Variants in RAB7A observed in about 807,000 individuals in gnomAD.
RAB7A encodes RAB7A, member RAS oncogene family, also known as ras-related protein Rab-7a.
A neutral mutation model predicts 24.5 loss-of-function variants in RAB7A; 2 were observed. That is an observed-to-expected ratio of 0.08 (90% CI 0.03 to 0.26). The LOEUF (loss-of-function observed/expected upper bound fraction) is 0.26. Among genes scored for constraint, RAB7A ranks in the 10% least tolerant of loss-of-function variants. The pLI, the probability that RAB7A is intolerant of heterozygous loss-of-function variation, is 1.00. For synonymous variants in RAB7A, 100 were observed against 95.9 expected, an observed-to-expected ratio of 1.04 and a Z score of -0.25; for missense variants, 118 against 255.7, an observed-to-expected ratio of 0.46 and a Z score of 3.67.
At chr3:128,792,408 CT>C (rs915624302) in intron 1 of RAB7A, among the ~76,000 whole-genome samples, 6 of 151,190 alleles carry the variant, frequency 4.0e-5, no homozygotes, top group South Asian at 2.1e-4. Context: ...TATCTATTTT[CT>C]TTTTTTTTCC....
chr3:128,811,516 C>T (rs1469064861), intron 5 of RAB7A, among the ~76,000 whole-genome samples: 1 of 152,094 alleles, frequency 6.6e-6, no homozygotes, highest in East Asian at 1.9e-4. Flanking sequence ...GTGAAGGAAG[C>T]CAGTTGCAAA....
At chr3:128,728,537 A>T (rs1183876858) in intron 1 of RAB7A, among the ~76,000 whole-genome samples, 2 of 152,172 alleles carry the variant, frequency 1.3e-5, no homozygotes, top group Non-Finnish European at 2.9e-5. Flanking sequence ...ATGTCGGCTC[A>T]CTGCAACCTC....
chr3:128,750,148 A>G (rs2070662306), intron 1 of RAB7A, among the ~76,000 whole-genome samples: 1 of 152,232 alleles, frequency 6.6e-6, no homozygotes, highest in African/African-American at 2.4e-5. Flanking sequence ...AACTAGAGCA[A>G]AGGTGGCTCT....
At chr3:128,803,756 G>A (rs573495374) in intron 3 of RAB7A, among the ~76,000 whole-genome samples, 1 of 152,268 alleles carries the variant, frequency 6.6e-6, no homozygotes, top group Admixed American at 6.5e-5. Context: ...AGCTGTACAG[G>A]ATGATAATGT....
At chr3:128,729,081 A>G (rs1181481660) in intron 1 of RAB7A, among the ~76,000 whole-genome samples, 4 of 152,182 alleles carry the variant, frequency 2.6e-5, no homozygotes, top group African/African-American at 9.7e-5. Context: ...AAATAGTTTT[A>G]TTAGTATATC....
chr3:128,782,807 C>T (rs776109211), intron 1 of RAB7A, among the ~76,000 whole-genome samples: 5 of 152,096 alleles, frequency 3.3e-5, no homozygotes, highest in African/African-American at 4.8e-5. Context: ...ACTGTCTATA[C>T]GTTTTAAGTA....
intron 3 of RAB7A, among the ~76,000 whole-genome samples, chr3:128,800,518 C>A (rs576068581): frequency 6.6e-6 from 1 of 152,186 alleles, no homozygotes; most frequent in African/African-American, 2.4e-5. Context: ...AGATCCACAG[C>A]GCACTGTGGG....
intron 3 of RAB7A, among the ~76,000 whole-genome samples, chr3:128,805,343 A>G (rs1933779704): frequency 6.6e-6 from 1 of 152,198 alleles, no homozygotes; most frequent in Non-Finnish European, 1.5e-5. Flanking sequence ...GTCATTAGAA[A>G]TAAATTTGTC....
chr3:128,792,164 A>G, intron 1 of RAB7A, among the ~76,000 whole-genome samples: 1 of 152,246 alleles, frequency 6.6e-6, no homozygotes, highest in East Asian at 1.9e-4. Context: ...GCTTTGTGAC[A>G]CGTGTGGGTA....
intron 1 of RAB7A, among the ~76,000 whole-genome samples, chr3:128,772,767 T>C (rs1343568979): frequency 6.6e-6 from 1 of 152,248 alleles, no homozygotes; most frequent in Non-Finnish European, 1.5e-5. Context: ...TTTTCATATT[T>C]TTTTGGTGGA....
At chr3:128,801,825 C>G (rs1007329437) in intron 3 of RAB7A, among the ~76,000 whole-genome samples, 1 of 151,778 alleles carries the variant, frequency 6.6e-6, no homozygotes, top group African/African-American at 2.4e-5. Context: ...AGCCCAAATT[C>G]CAGGAAGGAT....
intron 1 of RAB7A, among the ~76,000 whole-genome samples, chr3:128,753,422 A>G (rs967918598): frequency 6.6e-6 from 1 of 152,228 alleles, no homozygotes; most frequent in African/African-American, 2.4e-5. Flanking sequence ...CTTAAAAATG[A>G]TAAAGATAGT....
At chr3:128,776,847 A>C (rs1933101541) in intron 1 of RAB7A, among the ~76,000 whole-genome samples, 2 of 151,958 alleles carry the variant, frequency 1.3e-5, no homozygotes, top group South Asian at 4.2e-4. Flanking sequence ...CCACATCCTA[A>C]CACCAATCTT....
At chr3:128,767,965 T>A (rs1283659049) in intron 1 of RAB7A, among the ~76,000 whole-genome samples, 1 of 152,184 alleles carries the variant, frequency 6.6e-6, no homozygotes, top group Non-Finnish European at 1.5e-5. Flanking sequence ...TATCTATGAA[T>A]ACATACCATT....
chr3:128,752,103 C>T (rs906787741), intron 1 of RAB7A, among the ~76,000 whole-genome samples: 1 of 146,002 alleles, frequency 6.8e-6, no homozygotes, highest in African/African-American at 2.7e-5. Context: ...TCTTTATCAT[C>T]AGCATGAAAA....
intron 1 of RAB7A, among the ~76,000 whole-genome samples, chr3:128,744,478 A>T (rs372080275): frequency 2.6e-5 from 4 of 152,220 alleles, no homozygotes; most frequent in East Asian, 1.9e-4. Context: ...AATATGATGC[A>T]TTATTATCGA....
chr3:128,792,078 G>A (rs1429155905), intron 1 of RAB7A, among the ~76,000 whole-genome samples: 5 of 152,126 alleles, frequency 3.3e-5, no homozygotes, highest in Non-Finnish European at 4.4e-5. Flanking sequence ...AATAAAGAGC[G>A]GGAATGGCTA....
In RAB7A at chr3:128,813,914, A is replaced by C. The variant is rs1933983861; in HGVS notation, c.*492A>C. On this transcript the variant is annotated 3_prime_UTR_variant, in exon 6 of 6. Coordinates refer to ENST00000265062, the MANE Select transcript of RAB7A (RefSeq NM_004637.6). ...TGGGAAGGCTGGTGCCCCATGCCCC[A>C]TTACAGGCTCACACCCAGTCTGATC... 4.3e-6 allele frequency: 1 copy of C among 230,882 alleles called. No homozygotes were observed. The highest frequency in any genetic ancestry group is 2.3e-5 in the African/African-American group (1 of 44,208). The allele number at this position is 230,882 out of a possible 1,614,324, so 14.3% of individuals were successfully genotyped here.
At chr3:128,760,511 T>G (rs2070768651) in intron 1 of RAB7A, among the ~76,000 whole-genome samples, 1 of 152,228 alleles carries the variant, frequency 6.6e-6, no homozygotes, top group South Asian at 2.1e-4. Context: ...CATATCTCTG[T>G]TTCAGAAACA....
Sources: gnomAD v4.1 joint callset for allele counts (sites outside exome capture counted in the v4.1 genomes callset) on GRCh38, gnomAD v4.1.1 for gene constraint, MANE v1.5 for transcripts, NCBI Gene and HGNC (gene_info 2026-07-23, HGNC 2026-07-21) for gene names.